Variants in GPC5 observed in about 807,000 individuals in gnomAD.
GPC5 encodes glypican 5.
GPC5 carries 47 observed loss-of-function variants against 53.9 expected under a neutral mutation model. The ratio of observed to expected loss-of-function variants is 0.87; its 90% confidence interval spans 0.69 to 1.11. The LOEUF (loss-of-function observed/expected upper bound fraction) is 1.11. Among genes scored for constraint, GPC5 ranks in the 50% most tolerant of loss-of-function variants. The pLI is 0.00. For synonymous variants in GPC5, 286 were observed against 263.3 expected (o/e 1.09, Z -0.84); for missense variants, 748 against 713.1 (o/e 1.05, Z -0.56).
intron 7 of GPC5, among the ~76,000 whole-genome samples, chr13:92,310,682 T>C (rs1566532460): frequency 6.6e-6 from 1 of 152,202 alleles, no homozygotes; most frequent in Non-Finnish European, 1.5e-5. Context: ...ATAAAGTTTT[T>C]ATTTTCTCTC....
intron 1 of GPC5, among the ~76,000 whole-genome samples, chr13:91,425,805 T>G (rs916951822): frequency 6.6e-6 from 1 of 151,882 alleles, no homozygotes; most frequent in Non-Finnish European, 1.5e-5. Flanking sequence ...GTTGGAACAG[T>G]TTGGAGGGCT....
At chr13:92,619,330 T>G (rs1566324151) in intron 7 of GPC5, among the ~76,000 whole-genome samples, 1 of 152,010 alleles carries the variant, frequency 6.6e-6, no homozygotes, top group Non-Finnish European at 1.5e-5. Context: ...AAAGGCTTCA[T>G]ATTGCATGCA....
At chr13:92,293,556 CTT>C (rs960115165) in intron 7 of GPC5, among the ~76,000 whole-genome samples, 9 of 148,628 alleles carry the variant, frequency 6.1e-5, no homozygotes, top group African/African-American at 7.5e-5. Context: ...TATCCAGAGA[CTT>C]TGCTGAATTA....
chr13:92,246,846 ATTAG>A (rs927661856), intron 7 of GPC5, among the ~76,000 whole-genome samples: 3 of 152,180 alleles, frequency 2.0e-5, no homozygotes, highest in Non-Finnish European at 4.4e-5. Flanking sequence ...TAATTTTTAA[ATTAG>A]TTAATTATAA....
intron 2 of GPC5, among the ~76,000 whole-genome samples, chr13:91,465,938 A>G (rs1882210422): frequency 6.6e-6 from 1 of 152,156 alleles, no homozygotes; most frequent in Non-Finnish European, 1.5e-5. Context: ...GAATTAATCC[A>G]AATCAAACTT....
intron 2 of GPC5, among the ~76,000 whole-genome samples, chr13:91,510,550 A>G (rs763029900): frequency 1.1e-4 from 17 of 152,290 alleles, no homozygotes; most frequent in Non-Finnish European, 2.4e-4. Flanking sequence ...TTTGGAAAAC[A>G]TTTCTAAGCA....
At chr13:91,582,318 T>A (rs1282761355) in intron 2 of GPC5, among the ~76,000 whole-genome samples, 1 of 152,054 alleles carries the variant, frequency 6.6e-6, no homozygotes, top group Non-Finnish European at 1.5e-5. Flanking sequence ...CTCCAAAGGA[T>A]CAAAATAAAA....
intron 7 of GPC5, among the ~76,000 whole-genome samples, chr13:92,295,142 T>C (rs2043025901): frequency 6.6e-6 from 1 of 152,092 alleles, no homozygotes. Flanking sequence ...AACTTTTCGA[T>C]GTAGGCACTT....
rs778677758 is a variant in GPC5, at chr13:91,693,320, T to A, written c.459T>A (p.Phe153Leu). 1.9e-6 allele frequency: 3 copies of A among 1,614,166 alleles called. No individual in the cohort carries two copies. In the South Asian group the frequency reaches 3.3e-5, roughly 18 times the overall value. ...TCACTGATGTGGGGCTGTATTTATT[T>A]GGTGCGGATGTTAATCCTGAAGAAT... The part of the protein sequence containing the change: ...EFFTDVGLYL[F>L]GADVNPEEFV... The change falls in exon 3 of 8, where the codon TTT (phenylalanine) becomes TTA (leucine). Residue 153 changes from phenylalanine to leucine, a missense_variant. Coordinates refer to ENST00000377067, the MANE Select transcript of GPC5 (RefSeq NM_004466.6).
chr13:92,472,265 C>T (rs1355879613), intron 7 of GPC5, among the ~76,000 whole-genome samples: 3 of 152,118 alleles, frequency 2.0e-5, no homozygotes, highest in Non-Finnish European at 4.4e-5. Context: ...CTATCCCCTT[C>T]TCTTTCCAGG....
chr13:91,471,006 C>T (rs550201487), intron 2 of GPC5, among the ~76,000 whole-genome samples: 88 of 151,986 alleles, frequency 5.8e-4, no homozygotes, highest in Non-Finnish European at 1.1e-3. Flanking sequence ...GTGCTGATTA[C>T]GAAGACCTTA....
chr13:91,542,970 C>A (rs1488543982), intron 2 of GPC5, among the ~76,000 whole-genome samples: 1 of 151,450 alleles, frequency 6.6e-6, no homozygotes, highest in Non-Finnish European at 1.5e-5. Flanking sequence ...CATTCTCCTG[C>A]CTCAGCCTCC....
intron 6 of GPC5, among the ~76,000 whole-genome samples, chr13:92,132,757 G>T (rs2041754494): frequency 6.6e-6 from 1 of 151,922 alleles, no homozygotes; most frequent in Non-Finnish European, 1.5e-5. Flanking sequence ...AAGTATTGGG[G>T]GTTAGGACAT....
At chr13:92,555,490 C>T (rs559885095) in intron 7 of GPC5, among the ~76,000 whole-genome samples, 49 of 151,082 alleles carry the variant, frequency 3.2e-4, no homozygotes, top group Middle Eastern at 3.5e-3. Context: ...TAAACATATG[C>T]AACAAAAACC....
At chr13:91,809,120 G>A (rs540505569) in intron 5 of GPC5, among the ~76,000 whole-genome samples, 1 of 152,108 alleles carries the variant, frequency 6.6e-6, no homozygotes, top group African/African-American at 2.4e-5. Context: ...CAAAAAGCAT[G>A]ATTAAGCCCT....
At chr13:92,643,125 C>A (rs12871138) in intron 7 of GPC5, among the ~76,000 whole-genome samples, 51,610 of 151,610 alleles carry the variant, frequency 0.34, 9,964 homozygotes, top group Non-Finnish European at 0.45. Flanking sequence ...TGGATATTAG[C>A]CCTTTGTCAG....
intron 7 of GPC5, among the ~76,000 whole-genome samples, chr13:92,327,241 A>T (rs2043258009): frequency 6.6e-6 from 1 of 152,126 alleles, no homozygotes. Flanking sequence ...TTTAATTTGC[A>T]ATGTCCTTGC....
chr13:92,523,755 T>C (rs1043657324), intron 7 of GPC5, among the ~76,000 whole-genome samples: 2 of 152,078 alleles, frequency 1.3e-5, no homozygotes, highest in African/African-American at 4.8e-5. Flanking sequence ...CTCATTATAG[T>C]CAACAAATTA....
At chr13:91,674,218 T>C (rs1413499400) in intron 2 of GPC5, among the ~76,000 whole-genome samples, 2 of 152,072 alleles carry the variant, frequency 1.3e-5, no homozygotes, top group South Asian at 2.1e-4. Context: ...ATAAGATTAT[T>C]TCTGGGTGTG....
Sources: gnomAD v4.1 joint callset for allele counts (sites outside exome capture counted in the v4.1 genomes callset) on GRCh38, gnomAD v4.1.1 for gene constraint, MANE v1.5 for transcripts, NCBI Gene and HGNC (gene_info 2026-07-23, HGNC 2026-07-21) for gene names.